LY75: variants seen among roughly 807,000 people sequenced by gnomAD.
LY75 encodes lymphocyte antigen 75.
In LY75, 185 loss-of-function variants were observed where a neutral mutation model predicts 231.7. That is an observed-to-expected ratio of 0.80 (90% CI 0.71 to 0.90). LY75 has a LOEUF of 0.90. LY75 is among the 40% of genes least tolerant of loss of function. The pLI is 0.00. For missense variants in LY75, 1,947 were observed against 2,050.2 expected (o/e 0.95, Z 0.97); for synonymous variants, 668 against 689.0 (o/e 0.97, Z 0.48).
intron 25 of LY75, among the ~76,000 whole-genome samples, chr2:159,837,476 G>T (rs1452185292): frequency 6.6e-6 from 1 of 152,184 alleles, no homozygotes; most frequent in African/African-American, 2.4e-5. Flanking sequence ...GCATGATATT[G>T]TCTGGGGACT....
chr2:159,825,753 A>G (rs565049141), intron 28 of LY75, among the ~76,000 whole-genome samples: 1 of 152,372 alleles, frequency 6.6e-6, no homozygotes, highest in Admixed American at 6.5e-5. Flanking sequence ...CAAAAAGTTT[A>G]TCCACCAGGA....
rs745860692 is a variant in LY75, at chr2:159,872,431, T to C, written c.2117+20A>G. On this transcript the variant is annotated intron_variant, in intron 13 of 34. Coordinates refer to ENST00000263636, the MANE Select transcript of LY75 (RefSeq NM_002349.4). ...AGGACATCAAATTCAGCATAGAAAT[T>C]CTCATTCTTAAAGTATTACCTGAAC... The C allele has an allele frequency of 2.5e-6, 4 of 1,609,848 alleles. No homozygotes were observed. In the Admixed American group the frequency reaches 6.8e-5, roughly 27 times the overall value.
chr2:159,842,205 T>C, intron 24 of LY75, 40 bp downstream of exon 24: 5 of 1,577,000 alleles, frequency 3.2e-6, no homozygotes, highest in Non-Finnish European at 4.3e-6. Context: ...ATATATGTAA[T>C]AGCATAAAGT....
chr2:159,828,492 A>T (rs1683548141), intron 28 of LY75, among the ~76,000 whole-genome samples: 1 of 152,172 alleles, frequency 6.6e-6, no homozygotes, highest in Admixed American at 6.5e-5. Flanking sequence ...ATAATGAAAA[A>T]CACACAAATG....
rs973135542 is a variant in LY75 at position 159,810,550 on chromosome 2, C to A, written c.4675G>T (p.Ala1559Ser). The change falls in exon 32 of 35, where the codon GCC becomes TCC. Residue 1559 changes from alanine (A) to serine (S), a missense_variant. Physicochemically the swap from Ala to Ser is moderately conservative, Grantham distance 99 (BLOSUM62 1). Transcript: ENST00000263636. ...SDQALHSFSE[A>S]KKLCSKHDHS... The stretch of plus-strand genomic sequence containing the variant: ...CCATGTTTTGAACACAATTTTTTGG[C>A]CTCTGAAAAACTGTGCAATGCCTGA... 1 of 1,612,000 alleles carries A rather than the reference C, an allele frequency of 6.2e-7. No homozygotes were observed. Among genetic ancestry groups the A allele is most frequent in the African/African-American group, 1.3e-5 (1 of 74,728 alleles).
chr2:159,827,816 A>G (rs1683520091), intron 28 of LY75, among the ~76,000 whole-genome samples: 1 of 152,230 alleles, frequency 6.6e-6, no homozygotes, highest in African/African-American at 2.4e-5. Flanking sequence ...AGGGACATGG[A>G]TGAAGCTAGA....
At chr2:159,863,354 T>A (rs905399203) in intron 14 of LY75, among the ~76,000 whole-genome samples, 1 of 152,194 alleles carries the variant, frequency 6.6e-6, no homozygotes, top group African/African-American at 2.4e-5. Flanking sequence ...TAGTTCTATT[T>A]TTAATTTTTT....
At chr2:159,851,177 A>AC (rs1158100936) in intron 21 of LY75, among the ~76,000 whole-genome samples, 2 of 152,136 alleles carry the variant, frequency 1.3e-5, no homozygotes, top group Non-Finnish European at 2.9e-5. Context: ...CAGTACTATT[A>AC]CCTTGAGGAA....
chr2:159,817,088 T>C (rs1574524434), intron 29 of LY75, 56 bp from the exon 30 acceptor site: 12 of 1,470,274 alleles, frequency 8.2e-6, no homozygotes, highest in East Asian at 7.3e-5. Context: ...AATACATCTT[T>C]TGGATGAGAC....
chr2:159,899,046 G>A lies in LY75; in HGVS notation c.108C>T (p.Phe36=), dbSNP rs778673882. The change falls in exon 2 of 35, where the codon TTC becomes TTT. Residue 36 remains phenylalanine, a synonymous_variant. Coordinates refer to ENST00000263636, the MANE Select transcript of LY75 (RefSeq NM_002349.4). ...TGCCCGTATTTCCATGGACGATGGTGAAGGGGTCATTAGCTGAGTCAAATG... is the reference window on the plus strand; with the variant it reads ...TGCCCGTATTTCCATGGACGATGGTAAAGGGGTCATTAGCTGAGTCAAATG... ...EPSGRAANDP[F]TIVHGNTGKC... 16 of 1,612,426 alleles carry A rather than the reference G, an allele frequency of 9.9e-6. No homozygotes were observed. The highest frequency in any genetic ancestry group is 1.0e-5 in the Non-Finnish European group (12 of 1,179,124).
Position 159,896,482 on chromosome 2 carries a change from C to T in LY75, c.466+2206G>A, listed in dbSNP as rs367693574. ...TGGGGAATGGAATACTGGTTTTAAG[C>T]CCTAGCTTTGCTGTAACAAACCAGG... is the stretch of plus-strand genomic sequence containing the variant. On this transcript the variant is annotated intron_variant, in intron 2 of 34. Coordinates refer to ENST00000263636, the MANE Select transcript of LY75 (RefSeq NM_002349.4). Among the ~76,000 whole-genome samples, 44 of 152,098 alleles carry T rather than the reference C, an allele frequency of 2.9e-4. No individual in the cohort carries two copies. In the East Asian group the frequency reaches 5.4e-3, roughly 19 times the overall value.
intron 25 of LY75, among the ~76,000 whole-genome samples, chr2:159,836,878 A>C (rs1256266041): frequency 6.6e-6 from 1 of 152,152 alleles, no homozygotes; most frequent in Non-Finnish European, 1.5e-5. Context: ...CCTGTCCCTG[A>C]TCCTTTGGAA....
intron 32 of LY75, among the ~76,000 whole-genome samples, chr2:159,809,153 C>T (rs35089301): frequency 0.082 from 12,509 of 152,220 alleles, 617 homozygotes; most frequent in South Asian, 0.15. Flanking sequence ...TCAAGTGTCT[C>T]CACAACGGTT....
chr2:159,833,098 G>GCAGA (rs1256929635), intron 27 of LY75, among the ~76,000 whole-genome samples: 1 of 149,522 alleles, frequency 6.7e-6, no homozygotes, highest in African/African-American at 2.5e-5. Flanking sequence ...CCAGTTCTCT[G>GCAGA]CTCTCTTGTG....
At chr2:159,877,211 T>C (rs1287706934) in intron 11 of LY75, among the ~76,000 whole-genome samples, 4 of 152,126 alleles carry the variant, frequency 2.6e-5, no homozygotes, top group Non-Finnish European at 1.5e-5. Flanking sequence ...CTAACTTTTG[T>C]GGGCATTTTC....
chr2:159,805,847 C>A (rs538966814), intron 34 of LY75, among the ~76,000 whole-genome samples: 1 of 152,048 alleles, frequency 6.6e-6, no homozygotes, highest in East Asian at 1.9e-4. Context: ...TCCCACCCAA[C>A]CCCCCAAATC....
chr2:159,840,619 T>C (rs1194465935), intron 25 of LY75, 110 bp downstream of exon 25: 4 of 1,477,684 alleles, frequency 2.7e-6, no homozygotes, highest in East Asian at 4.7e-5. Context: ...TTTACTGGAG[T>C]AAGATTTTCA....
intron 1 of LY75, among the ~76,000 whole-genome samples, chr2:159,904,265 TAA>T: frequency 6.6e-6 from 1 of 152,266 alleles, no homozygotes; most frequent in Non-Finnish European, 1.5e-5. Context: ...CAACATTATA[TAA>T]GAGAGGCGAC....
chr2:159,884,262 T>C (rs774927301), intron 6 of LY75, among the ~76,000 whole-genome samples: 4 of 152,190 alleles, frequency 2.6e-5, no homozygotes, highest in Admixed American at 6.5e-5. Flanking sequence ...GTCTTGGGTA[T>C]GTCTTTATCA....
Sources: gnomAD v4.1 joint callset for allele counts (sites outside exome capture counted in the v4.1 genomes callset) on GRCh38, gnomAD v4.1.1 for gene constraint, MANE v1.5 for transcripts, NCBI Gene and HGNC (gene_info 2026-07-23, HGNC 2026-07-21) for gene names.